The following RORA variants were observed in gnomAD, a reference collection of about 807,000 sequenced individuals.
RORA encodes RAR related orphan receptor A.
In RORA, 7 loss-of-function variants were observed where a neutral mutation model predicts 69.5. The observed-to-expected ratio is 0.10, with a 90% CI of 0.06 to 0.19. RORA has a LOEUF of 0.19. Ranked by LOEUF, RORA falls within the 10% of genes least tolerant of loss-of-function variation. RORA has a pLI of 1.00. For synonymous variants in RORA, 261 were observed against 240.8 expected (o/e 1.08, Z -0.78); for missense variants, 457 against 663.0 (o/e 0.69, Z 3.41).
chr15:60,946,886 T>C (rs1290507995), intron 1 of RORA, among the ~76,000 whole-genome samples: 3 of 150,598 alleles, frequency 2.0e-5, no homozygotes, highest in African/African-American at 7.4e-5. Context: ...CGCCGCCCCG[T>C]CTGGGATGTG....
chr15:60,582,549 G>T (rs1468165195), intron 2 of RORA, among the ~76,000 whole-genome samples: 2 of 152,144 alleles, frequency 1.3e-5, no homozygotes, highest in Non-Finnish European at 2.9e-5. Context: ...CCCTATGTAG[G>T]GGGGTTTCCA....
intron 2 of RORA, among the ~76,000 whole-genome samples, chr15:60,541,608 G>A (rs1235072329): frequency 6.6e-6 from 1 of 152,216 alleles, no homozygotes; most frequent in African/African-American, 2.4e-5. Flanking sequence ...AATACAGAAA[G>A]AGGCAGCAGA....
intron 1 of RORA, among the ~76,000 whole-genome samples, chr15:60,847,547 C>T (rs974669065): frequency 3.3e-5 from 5 of 151,972 alleles, no homozygotes. Context: ...ATTCTGAGAA[C>T]AGTGCCTAGA....
chr15:60,810,887 G>T (rs2072734212), intron 1 of RORA, among the ~76,000 whole-genome samples: 1 of 152,176 alleles, frequency 6.6e-6, no homozygotes, highest in South Asian at 2.1e-4. Flanking sequence ...CACGAAAGGG[G>T]TTCATCCACT....
chr15:60,988,068 C>G (rs150801020), intron 1 of RORA, among the ~76,000 whole-genome samples: 15 of 152,340 alleles, frequency 9.8e-5, no homozygotes, highest in African/African-American at 3.6e-4. Flanking sequence ...TGCCTTCACT[C>G]TTGCCATTGT....
intron 2 of RORA, among the ~76,000 whole-genome samples, chr15:60,575,231 A>G (rs912957484): frequency 1.3e-5 from 2 of 152,212 alleles, no homozygotes; most frequent in Non-Finnish European, 2.9e-5. Flanking sequence ...ACGTCACCAC[A>G]TCGTCTGATT....
intron 1 of RORA, among the ~76,000 whole-genome samples, chr15:60,679,374 G>A (rs779068701): frequency 1.3e-4 from 20 of 152,304 alleles, no homozygotes; most frequent in Middle Eastern, 3.4e-3. Flanking sequence ...TGATTTATAG[G>A]TAGCAGGTGA....
At chr15:60,592,471 C>T in intron 2 of RORA, 2 of 1,363,474 alleles carry the variant, frequency 1.5e-6, no homozygotes, top group Non-Finnish European at 1.9e-6. Context: ...CCCCGGAGCC[C>T]CCTCTGCCGC....
chr15:60,733,652 A>C (rs549068064), intron 1 of RORA, among the ~76,000 whole-genome samples: 3 of 152,344 alleles, frequency 2.0e-5, no homozygotes, highest in African/African-American at 7.2e-5. Context: ...AGAGATATGC[A>C]AAGTCACTTT....
chr15:60,981,876 C>A (rs1894054197), intron 1 of RORA, among the ~76,000 whole-genome samples: 1 of 151,086 alleles, frequency 6.6e-6, no homozygotes, highest in Non-Finnish European at 1.5e-5. Context: ...TGTTTCTTTG[C>A]ATGCTTTGTA....
At chr15:60,809,827 T>C (rs924364683) in intron 1 of RORA, among the ~76,000 whole-genome samples, 8 of 152,202 alleles carry the variant, frequency 5.3e-5, no homozygotes, top group Non-Finnish European at 1.0e-4. Flanking sequence ...CTTTTTTGCT[T>C]GCTTAATTTT....
intron 1 of RORA, among the ~76,000 whole-genome samples, chr15:60,912,305 C>A (rs1891749231): frequency 6.6e-6 from 1 of 152,124 alleles, no homozygotes; most frequent in South Asian, 2.1e-4. Context: ...ATCTGTCGTT[C>A]TAGCTACTTG....
At chr15:60,972,778 G>A (rs1893756827) in intron 1 of RORA, among the ~76,000 whole-genome samples, 1 of 152,164 alleles carries the variant, frequency 6.6e-6, no homozygotes, top group Non-Finnish European at 1.5e-5. Context: ...ATTTTGAGAA[G>A]TTTAAATGTG....
intron 2 of RORA, among the ~76,000 whole-genome samples, chr15:60,600,567 C>T (rs1259806446): frequency 1.3e-5 from 2 of 152,062 alleles, no homozygotes; most frequent in Non-Finnish European, 2.9e-5. Context: ...CTGTTGTGAG[C>T]GCTAAAACAA....
chr15:61,095,576 A>G (rs992255882), intron 1 of RORA, among the ~76,000 whole-genome samples: 36 of 152,222 alleles, frequency 2.4e-4, no homozygotes, highest in African/African-American at 8.0e-4. Flanking sequence ...GCTTTCTCCA[A>G]TCTTATGGAG....
intron 1 of RORA, among the ~76,000 whole-genome samples, chr15:61,138,164 T>C (rs1209272087): frequency 1.3e-5 from 2 of 152,186 alleles, no homozygotes; most frequent in Non-Finnish European, 2.9e-5. Flanking sequence ...ACAAAGGTGG[T>C]AGTTCTTGGT....
At chr15:61,121,811 T>A (rs983373553) in intron 1 of RORA, among the ~76,000 whole-genome samples, 2 of 125,068 alleles carry the variant, frequency 1.6e-5, no homozygotes, top group East Asian at 2.2e-4. Flanking sequence ...CCCTTAGCAA[T>A]GTAACTGCCA....
intron 1 of RORA, among the ~76,000 whole-genome samples, chr15:60,691,302 C>T (rs1417836731): frequency 1.3e-5 from 2 of 152,192 alleles, no homozygotes; most frequent in East Asian, 1.9e-4. Flanking sequence ...ATAGTTCCCT[C>T]CTCCTGACAT....
chr15:60,568,689 C>G (rs2067786060), intron 2 of RORA, among the ~76,000 whole-genome samples: 1 of 152,174 alleles, frequency 6.6e-6, no homozygotes. Flanking sequence ...GCTCGAAGGG[C>G]CTTGACCCAG....
Sources: allele counts gnomAD v4.1 joint callset (sites outside exome capture counted in the v4.1 genomes callset), GRCh38; gene constraint gnomAD v4.1.1; transcripts MANE v1.5; gene names NCBI Gene and HGNC (gene_info 2026-07-23, HGNC 2026-07-21).